Variants in COL27A1 observed in about 807,000 individuals in gnomAD.
COL27A1 encodes collagen alpha-1(XXVII) chain.
COL27A1 carries 106 observed loss-of-function variants against 251.3 expected under a neutral mutation model. That is an observed-to-expected ratio of 0.42 (90% confidence interval 0.36 to 0.50). The LOEUF (loss-of-function observed/expected upper bound fraction) is 0.50. Ranked by LOEUF, COL27A1 falls within the 20% of genes least tolerant of loss-of-function variation. The pLI, the probability that COL27A1 is intolerant of heterozygous loss-of-function variation, is 0.00. For synonymous variants in COL27A1, 1,000 were observed against 986.3 expected (o/e 1.01, Z -0.26); for missense variants, 2,325 against 2,522.8 (o/e 0.92, Z 1.68).
At chr9:114,221,476 G>A (rs540643227) in intron 13 of COL27A1, among the ~76,000 whole-genome samples, 41 of 152,308 alleles carry the variant, frequency 2.7e-4, no homozygotes, top group Middle Eastern at 3.4e-3. Context: ...TTGAAGTGAA[G>A]GCTGTTGCTT....
At chr9:114,278,367 GAGTGGA>G in intron 37 of COL27A1, among the ~76,000 whole-genome samples, 3 of 6,066 alleles carry the variant, frequency 4.9e-4, no homozygotes, top group African/African-American at 1.2e-3. Context: ...GGTGATAGTG[GAGTGGA>G]GGTGAGGGTG....
At chr9:114,231,188 C>A in intron 15 of COL27A1, 56 bp downstream of exon 15, 1 of 1,500,728 alleles carries the variant, frequency 6.7e-7, no homozygotes. Context: ...CACCCCCGAC[C>A]CATTTCAGCC....
chr9:114,233,899 G>A (rs867548727), intron 16 of COL27A1, among the ~76,000 whole-genome samples: 12 of 152,140 alleles, frequency 7.9e-5, no homozygotes, highest in African/African-American at 1.4e-4. Flanking sequence ...GAGCCTTAAG[G>A]CTGTGTTCCG....
At position 114,240,250 on chromosome 9, in the gene COL27A1, G is replaced by A. The variant is rs140827432; in HGVS notation, c.2758G>A (p.Asp920Asn). The A allele has an allele frequency of 1.9e-5, 30 of 1,606,836 alleles. No homozygotes were observed. The highest frequency in any genetic ancestry group is 2.4e-5 in the Non-Finnish European group (28 of 1,176,336). Residue 920 changes from aspartate (D) to asparagine (N), a missense_variant, in exon 20 of 61, where the codon GAC becomes AAC. Around this residue, in one of 4 missense-constraint regions of COL27A1, gnomAD observed 662 missense variants for 795.3 expected, o/e 0.83. Coordinates refer to ENST00000356083, the MANE Select transcript of COL27A1 (RefSeq NM_032888.4). ...CCCAGGAGACATCGGCCCCCCTGGC[G>A]ACAATGGCCCAGAAGGCATGAAGGT... ...GFPGDIGPPG[D>N]NGPEGMKGKP... is the part of the protein sequence containing the mutation.
chr9:114,204,898 C>G (rs1045905045), intron 7 of COL27A1, among the ~76,000 whole-genome samples: 1 of 152,224 alleles, frequency 6.6e-6, no homozygotes, highest in Non-Finnish European at 1.5e-5. Context: ...CTAAGAACCA[C>G]TGGGAGCAGA....
At chr9:114,154,837 G>C (rs951585573), upstream of COL27A1, among the ~76,000 whole-genome samples, 1 of 152,152 alleles carries the variant, frequency 6.6e-6, no homozygotes, top group African/African-American at 2.4e-5. The surrounding 1 kb of genome is among the most constrained non-coding windows in gnomAD (Gnocchi z 5.8). Flanking sequence ...GTGGCAAGAG[G>C]TGGTAGAGGC....
intron 9 of COL27A1, 89 bp downstream of exon 9, chr9:114,205,901 G>T: frequency 2.4e-6 from 3 of 1,253,720 alleles, no homozygotes; most frequent in Non-Finnish European, 3.4e-6. Flanking sequence ...TGGTGGGCTG[G>T]GGGCCAAGGA....
At chr9:114,283,787 C>A (rs1405367863) in intron 40 of COL27A1, 25 bp downstream of exon 40, 1 of 1,610,592 alleles carries the variant, frequency 6.2e-7, no homozygotes, top group Non-Finnish European at 8.5e-7. Flanking sequence ...CCTCACCCCA[C>A]CCCCCGACTC....
At chr9:114,266,673 C>G in intron 33 of COL27A1, 55 bp downstream of exon 33, 1 of 1,470,028 alleles carries the variant, frequency 6.8e-7, no homozygotes, top group Non-Finnish European at 9.5e-7. Flanking sequence ...TGTATCAGCC[C>G]TTCCCTTCCC....
chr9:114,243,743 G>A (rs543535424), intron 23 of COL27A1, among the ~76,000 whole-genome samples, 183 bp downstream of exon 23: 2 of 152,136 alleles, frequency 1.3e-5, no homozygotes, highest in South Asian at 2.1e-4. Flanking sequence ...CCAACTGTGG[G>A]GGATTGTTCA....
At chr9:114,270,283 C>T (rs751761497) in intron 35 of COL27A1, among the ~76,000 whole-genome samples, 2 of 152,284 alleles carry the variant, frequency 1.3e-5, no homozygotes, top group African/African-American at 2.4e-5. Context: ...AGTTTGCTTG[C>T]GGTCAAACAG....
intron 3 of COL27A1, among the ~76,000 whole-genome samples, chr9:114,170,453 G>A (rs1849232988): frequency 6.6e-6 from 1 of 152,172 alleles, no homozygotes; most frequent in African/African-American, 2.4e-5. Flanking sequence ...ACCGTGTGGT[G>A]GCCTCTCTCT....
rs376303544 is a variant in COL27A1, at chr9:114,245,892, G to C, written c.2961G>C (p.Pro987=). 3.1e-6 allele frequency: 5 copies of C among 1,612,374 alleles called. No individual in the cohort carries two copies. Among genetic ancestry groups the C allele is most frequent in the South Asian group, 1.1e-5 (1 of 90,762 alleles). The change falls in exon 24 of 61, where the codon CCG becomes CCC. Residue 987 remains proline (P), a synonymous_variant. Coordinates refer to ENST00000356083, the MANE Select transcript of COL27A1 (RefSeq NM_032888.4). Reference sequence around the variant, plus strand: ...GGGAACCAGGGGATCCTGGTCGGCCGGGGCCTGTGGGAGAGCAGGTTAGTT... The same window carrying C: ...GGGAACCAGGGGATCCTGGTCGGCCCGGGCCTGTGGGAGAGCAGGTTAGTT... The part of the protein sequence containing the change: ...VKGEPGDPGR[P]GPVGEQGFMG...
intron 49 of COL27A1, among the ~76,000 whole-genome samples, chr9:114,292,597 C>T (rs1828001316): frequency 6.6e-6 from 1 of 152,176 alleles, no homozygotes; most frequent in South Asian, 2.1e-4. Context: ...AGAGAATAAA[C>T]AGGGCAAATA....
At chr9:114,284,572 C>T (rs1827327548) in intron 40 of COL27A1, 152 bp from the exon 41 acceptor site, 1 of 749,918 alleles carries the variant, frequency 1.3e-6, no homozygotes, top group Non-Finnish European at 2.3e-6. Flanking sequence ...AAGGCCAGGG[C>T]CCAGACAGGC....
intron 39 of COL27A1, 84 bp downstream of exon 39, chr9:114,282,648 G>A: frequency 6.8e-6 from 6 of 882,988 alleles, no homozygotes; most frequent in Non-Finnish European, 1.0e-5. Context: ...AGGCTTCTCT[G>A]TGCTGTTATC....
chr9:114,219,976 C>A, intron 13 of COL27A1, 132 bp downstream of exon 13: 1 of 708,278 alleles, frequency 1.4e-6, no homozygotes, highest in Non-Finnish European at 2.5e-6. Context: ...GCTGGGCACC[C>A]TTGGACAAAT....
chr9:114,294,676 A>G (rs993820565), intron 49 of COL27A1, among the ~76,000 whole-genome samples: 5 of 152,246 alleles, frequency 3.3e-5, no homozygotes, highest in Non-Finnish European at 5.9e-5. Context: ...AACTAGGTAT[A>G]GAAGTTCCTC....
rs576144130 is a variant in COL27A1, at chr9:114,199,229, T to C, written c.2124+3217T>C. On this transcript the variant is annotated intron_variant, in intron 7 of 60. Transcript: ENST00000356083. ...GGGAACAGTTGGCAGTGTCTGGAGATATTTTTGGCCATTACCTACAACTGG... is the reference window on the plus strand; with the variant it reads ...GGGAACAGTTGGCAGTGTCTGGAGACATTTTTGGCCATTACCTACAACTGG... Among the ~76,000 whole-genome samples, 17 of 152,256 alleles carry C rather than the reference T, an allele frequency of 1.1e-4. No individual in the cohort carries two copies. In the South Asian group the frequency reaches 2.9e-3, roughly 26 times the overall value.
Sources: gnomAD v4.1 joint callset for allele counts (sites outside exome capture counted in the v4.1 genomes callset) on GRCh38, gnomAD v4.1.1 for gene constraint, gnomAD v4.1.1 regional missense constraint, Gnocchi (gnomAD v3.1) non-coding constraint, MANE v1.5 for transcripts, NCBI Gene and HGNC (gene_info 2026-07-23, HGNC 2026-07-21) for gene names.